The following PLCG2 variants were observed in gnomAD, a reference collection of about 807,000 sequenced individuals.
PLCG2 encodes the protein 1-phosphatidylinositol 4,5-bisphosphate phosphodiesterase gamma-2.
Under a neutral mutation model 175.6 loss-of-function variants are expected in PLCG2, and 69 were observed. The observed-to-expected ratio is 0.39, with a 90% CI of 0.32 to 0.48. The LOEUF (loss-of-function observed/expected upper bound fraction) is 0.48. Among genes scored for constraint, PLCG2 ranks in the 20% least tolerant of loss-of-function variants. The pLI is 0.91. For missense variants in PLCG2, 1,798 were observed against 1,650.9 expected (o/e 1.09, Z -1.54); for synonymous variants, 827 against 624.0 (o/e 1.33, Z -4.85).
At chr16:81,825,299 T>TTTTTTTTTTTTTTTTTTTG (rs1905001287) in intron 2 of PLCG2, among the ~76,000 whole-genome samples, 1 of 147,398 alleles carries the variant, frequency 6.8e-6, no homozygotes. Context: ...TTTTTTTTTT[T>TTTTTTTTTTTTTTTTTTTG]TTTTTTTGAG....
chr16:81,828,981 T>A (rs1450232452), intron 2 of PLCG2, among the ~76,000 whole-genome samples: 1 of 152,224 alleles, frequency 6.6e-6, no homozygotes, highest in Non-Finnish European at 1.5e-5. Flanking sequence ...TCTCAAACAT[T>A]GCTAGTCTCA....
chr16:81,772,460 C>A (rs781624657), intron 2 of PLCG2, among the ~76,000 whole-genome samples: 5 of 151,886 alleles, frequency 3.3e-5, no homozygotes, highest in Non-Finnish European at 7.4e-5. Context: ...GTTACGGCAG[C>A]CTTTGGAAGG....
At chr16:81,928,444 C>A (rs1910367378) in intron 23 of PLCG2, 114 bp from the exon 24 acceptor site, 1 of 712,612 alleles carries the variant, frequency 1.4e-6, no homozygotes, top group South Asian at 1.6e-5. Flanking sequence ...AATGAAAATG[C>A]ATTTTAAACA....
intron 5 of PLCG2, among the ~76,000 whole-genome samples, chr16:81,867,881 A>G (rs1450220997): frequency 6.6e-6 from 1 of 152,002 alleles, no homozygotes; most frequent in African/African-American, 2.4e-5. Flanking sequence ...TTGTATTTTT[A>G]GTAGAGACGG....
At chr16:81,868,635 T>C (rs1294502282) in intron 5 of PLCG2, among the ~76,000 whole-genome samples, 1 of 152,260 alleles carries the variant, frequency 6.6e-6, no homozygotes. Context: ...TACCCAGGCT[T>C]CATTGAATTT....
At chr16:81,853,978 A>G (rs1906553696) in intron 2 of PLCG2, among the ~76,000 whole-genome samples, 1 of 152,142 alleles carries the variant, frequency 6.6e-6, no homozygotes. Flanking sequence ...TAATTGAGCC[A>G]CAGAGCATTT....
chr16:81,905,481 C>G lies in PLCG2; in HGVS notation c.1441C>G (p.Leu481Val), dbSNP rs779440937. The change falls in exon 15 of 33, where the codon CTG becomes GTG. Residue 481 changes from leucine (L) to valine (V), a missense_variant. Transcript: ENST00000564138. ...KKDEHKQQGE[L>V]YMWDSIDQKW... ...GGACGAACACAAGCAACAGGGGGAGCTGTACATGTGGGATTCCATTGACCA... is the reference window on the plus strand; with the variant it reads ...GGACGAACACAAGCAACAGGGGGAGGTGTACATGTGGGATTCCATTGACCA... The G allele has an allele frequency of 6.2e-7, 1 of 1,614,022 alleles. No homozygotes were observed. Among genetic ancestry groups the G allele is most frequent in the East Asian group, 2.2e-5 (1 of 44,886 alleles).
At chr16:81,761,322 G>C (rs1249495889) in intron 2 of PLCG2, among the ~76,000 whole-genome samples, 1 of 152,176 alleles carries the variant, frequency 6.6e-6, no homozygotes, top group African/African-American at 2.4e-5. Context: ...CTATGGTCAA[G>C]CCGCTACACT....
chr16:81,889,170 A>T lies in PLCG2; in HGVS notation c.766-2A>T. 6.4e-7 allele frequency: 1 copy of T among 1,569,794 alleles called. No individual in the cohort carries two copies. The highest frequency in any genetic ancestry group is 8.7e-7 in the Non-Finnish European group (1 of 1,144,750). On this transcript the variant is annotated splice_acceptor_variant, in intron 9 of 32. Transcript: ENST00000564138. LOFTEE classifies it high-confidence loss of function. ...ATCTCTCGTTCTCTTTGTCATTTTAAGGAGCATTGGGCTCAGGATCTGAAC... is the reference window on the plus strand; with the variant it reads ...ATCTCTCGTTCTCTTTGTCATTTTATGGAGCATTGGGCTCAGGATCTGAAC...
upstream of PLCG2, among the ~76,000 whole-genome samples, chr16:81,778,059 A>AC (rs796944288): frequency 7.3e-5 from 7 of 95,758 alleles, no homozygotes; most frequent in African/African-American, 1.6e-4. Context: ...AAAAAACAAA[A>AC]AAAACCAAAA....
rs1364996900 is a variant in PLCG2, at chr16:81,958,517, T to G, written c.*519T>G. ...CCCACAGGCAGCCTGCTCAGTTCAA[T>G]GTACTTTAACTACCACCGGCTGCCT... is the stretch of plus-strand genomic sequence containing the variant. On this transcript the variant is annotated 3_prime_UTR_variant, in exon 33 of 33. Transcript: ENST00000564138. The G allele has an allele frequency of 4.3e-6, 1 of 232,296 alleles. No homozygotes were observed. Among genetic ancestry groups the G allele is most frequent in the Non-Finnish European group, 8.5e-6 (1 of 117,802 alleles). 14.4% of individuals were successfully genotyped at this position (232,296 alleles called of 1,614,324 possible). A position where few individuals can be genotyped will look rare whatever the true frequency, so the allele number is the denominator to read the frequency against.
At chr16:81,817,143 G>A (rs1197443187) in intron 2 of PLCG2, among the ~76,000 whole-genome samples, 5 of 152,156 alleles carry the variant, frequency 3.3e-5, no homozygotes, top group Non-Finnish European at 4.4e-5. Context: ...CTTTACAAGC[G>A]AAGTCAGCAC....
chr16:81,851,175 T>G (rs138484935), intron 2 of PLCG2, among the ~76,000 whole-genome samples: 2,087 of 152,312 alleles, frequency 0.014, 52 homozygotes, highest in African/African-American at 0.049. Context: ...CTTTAGTTAC[T>G]TTTTATTTTG....
chr16:81,883,640 A>C, intron 9 of PLCG2: 1 of 447,686 alleles, frequency 2.2e-6, no homozygotes, highest in South Asian at 2.3e-5. Context: ...TGAGGGCCTG[A>C]GGATGGGGCT....
chr16:81,806,207 A>G (rs9934030), intron 2 of PLCG2, among the ~76,000 whole-genome samples: 62,894 of 151,574 alleles, frequency 0.41, 13,856 homozygotes, highest in South Asian at 0.55. Flanking sequence ...AGTGGCTACC[A>G]TATTGGATAG....
intron 18 of PLCG2, among the ~76,000 whole-genome samples, chr16:81,911,151 C>T (rs543513771): frequency 6.6e-6 from 1 of 152,092 alleles, no homozygotes; most frequent in East Asian, 1.9e-4. Flanking sequence ...TCAACAAATT[C>T]TGGGAATAAA....
intron 2 of PLCG2, among the ~76,000 whole-genome samples, chr16:81,843,592 C>T (rs1057384690): frequency 6.6e-6 from 1 of 152,206 alleles, no homozygotes; most frequent in African/African-American, 2.4e-5. Context: ...GCAACAAATG[C>T]CCAATTTTTG....
chr16:81,825,520 C>T (rs1025972861), intron 2 of PLCG2, among the ~76,000 whole-genome samples: 1 of 152,094 alleles, frequency 6.6e-6, no homozygotes, highest in Non-Finnish European at 1.5e-5. Context: ...GTCTCCAACT[C>T]CTGACCTCAG....
chr16:81,806,100 T>G (rs1912009893), intron 2 of PLCG2, among the ~76,000 whole-genome samples: 2 of 151,688 alleles, frequency 1.3e-5, no homozygotes, highest in South Asian at 4.1e-4. Context: ...TTCTGGTTTT[T>G]GGTCTGTGTC....
Sources: gnomAD v4.1 joint callset for allele counts (sites outside exome capture counted in the v4.1 genomes callset) on GRCh38, gnomAD v4.1.1 for gene constraint, MANE v1.5 for transcripts, NCBI Gene and HGNC (gene_info 2026-07-23, HGNC 2026-07-21) for gene names.